C8orf88: variants seen among roughly 807,000 people sequenced by gnomAD.
C8orf88 encodes chromosome 8 open reading frame 88, also known as uncharacterized protein C8orf88.
C8orf88 carries 14 observed loss-of-function variants against 18.4 expected under a neutral mutation model. The observed-to-expected ratio is 0.76, with a 90% confidence interval of 0.50 to 1.19. The LOEUF is 1.19. Among genes scored for constraint, C8orf88 ranks in the 50% most tolerant of loss-of-function variants. The pLI is 0.00. For synonymous variants in C8orf88, 45 were observed against 42.9 expected, an observed-to-expected ratio of 1.05 and a Z score of -0.19; for missense variants, 116 against 134.7, an observed-to-expected ratio of 0.86 and a Z score of 0.69.
At chr8:90,977,065 C>T (rs992105622) in intron 3 of C8orf88, among the ~76,000 whole-genome samples, 4 of 151,898 alleles carry the variant, frequency 2.6e-5, no homozygotes, top group Non-Finnish European at 5.9e-5. Flanking sequence ...GAATCCAGAA[C>T]ATATTTTAAA....
intron 2 of C8orf88, among the ~76,000 whole-genome samples, chr8:90,978,967 C>T (rs942035306): frequency 3.9e-5 from 6 of 152,010 alleles, no homozygotes; most frequent in African/African-American, 9.7e-5. Flanking sequence ...CTAGGGCAAA[C>T]GGAATAGGTT....
chr8:90,977,500 GA>G (rs948376736), intron 3 of C8orf88, among the ~76,000 whole-genome samples: 26 of 149,688 alleles, frequency 1.7e-4, no homozygotes, highest in African/African-American at 4.9e-4. Flanking sequence ...ACAGAAAATG[GA>G]AAAAAAAATG....
chr8:90,980,564 A>C (rs1389792834), intron 1 of C8orf88, 103 bp from the exon 2 acceptor site: 2 of 516,482 alleles, frequency 3.9e-6, no homozygotes, highest in African/African-American at 3.9e-5. Flanking sequence ...CTATTTTACA[A>C]GTTAAAGTGG....
intron 1 of C8orf88, among the ~76,000 whole-genome samples, chr8:90,983,112 T>G (rs1404606426): frequency 6.6e-6 from 1 of 152,152 alleles, no homozygotes. Flanking sequence ...AGAGTAGCCA[T>G]GTATCATATC....
At chr8:90,981,546 TAAC>T (rs1308733188) in intron 1 of C8orf88, among the ~76,000 whole-genome samples, 1 of 152,088 alleles carries the variant, frequency 6.6e-6, no homozygotes, top group African/African-American at 2.4e-5. Flanking sequence ...AAAATAATAA[TAAC>T]AATAATAATA....
intron 1 of C8orf88, among the ~76,000 whole-genome samples, chr8:90,984,318 G>A (rs1282910309): frequency 2.0e-5 from 3 of 152,136 alleles, no homozygotes; most frequent in South Asian, 2.1e-4. Context: ...TACAAAGTTA[G>A]GATTCCTTGA....
At chr8:90,976,922 A>C (rs1352220126) in intron 3 of C8orf88, among the ~76,000 whole-genome samples, 2 of 152,144 alleles carry the variant, frequency 1.3e-5, no homozygotes, top group Admixed American at 6.5e-5. Context: ...GAAATCCTAA[A>C]GAAAAACATT....
In C8orf88 at chr8:90,972,385, T is replaced by G. The variant is rs969741898; in HGVS notation, c.148-1244A>C. On this transcript the variant is annotated intron_variant, in intron 3 of 5. Transcript: ENST00000517562. Reference sequence around the variant, plus strand: ...TCCAAAGTTCTTCTAGACTGTTGTATTTAATTAACTATAAAATGGTATTCT... The same window carrying G: ...TCCAAAGTTCTTCTAGACTGTTGTAGTTAATTAACTATAAAATGGTATTCT... Among the ~76,000 whole-genome samples the G allele has an allele frequency of 2.6e-5, 4 of 151,890 alleles. No individual in the cohort carries two copies. The South Asian group carries it at 8.3e-4, about 31-fold the overall frequency.
chr8:90,959,260 C>T (rs186806366), intron 5 of C8orf88: 335 of 259,820 alleles, frequency 1.3e-3, no homozygotes, highest in Non-Finnish European at 2.1e-3. Context: ...ACCTGTTCTT[C>T]TGTTTCTGTG....
chr8:90,966,048 AGACTAT>A (rs1304910539), intron 4 of C8orf88, among the ~76,000 whole-genome samples: 2 of 151,776 alleles, frequency 1.3e-5, no homozygotes, highest in East Asian at 3.9e-4. Flanking sequence ...AATGAAATAG[AGACTAT>A]AAAAACAACA....
At chr8:90,961,221 A>G (rs1811122328) in intron 4 of C8orf88, among the ~76,000 whole-genome samples, 1 of 151,406 alleles carries the variant, frequency 6.6e-6, no homozygotes, top group Non-Finnish European at 1.5e-5. Context: ...TCAAGTCTCA[A>G]TCAATACTAA....
chr8:90,966,125 T>C (rs1208476097), intron 4 of C8orf88, among the ~76,000 whole-genome samples: 1 of 151,228 alleles, frequency 6.6e-6, no homozygotes, highest in Non-Finnish European at 1.5e-5. Context: ...AATGATAGAC[T>C]GGATTAAGAA....
At chr8:90,974,219 A>G (rs949061922) in intron 3 of C8orf88, among the ~76,000 whole-genome samples, 2 of 152,124 alleles carry the variant, frequency 1.3e-5, no homozygotes, top group Admixed American at 6.6e-5. Context: ...CTACCAATAT[A>G]CATTTCAGAA....
In C8orf88 at chr8:90,958,845, T is replaced by C; in HGVS notation, c.*162A>G. On this transcript the variant is annotated 3_prime_UTR_variant, in exon 6 of 6. Transcript: ENST00000517562. Reference sequence around the variant, plus strand: ...TGCAAAGCTGAAACTGATTAGAAAATTCTTTATATTTTAAAATAGCTCTTT... The same window carrying C: ...TGCAAAGCTGAAACTGATTAGAAAACTCTTTATATTTTAAAATAGCTCTTT... 2.2e-6 allele frequency: 1 copy of C among 459,620 alleles called. No homozygotes were observed. Among genetic ancestry groups the C allele is most frequent in the Non-Finnish European group, 3.5e-6 (1 of 285,008 alleles). The allele number at this position is 459,620 out of a possible 1,614,324, so 28.5% of individuals were successfully genotyped here.
At chr8:90,985,255 G>A (rs946291878), upstream of C8orf88, 1 of 139,322 alleles carries the variant, frequency 7.2e-6, no homozygotes, top group Non-Finnish European at 1.5e-5. Flanking sequence ...GGCGGGGGGC[G>A]AGGGGCGGGG....
At chr8:90,977,359 T>C (rs1404853281) in intron 3 of C8orf88, among the ~76,000 whole-genome samples, 2 of 152,142 alleles carry the variant, frequency 1.3e-5, no homozygotes, top group African/African-American at 2.4e-5. Context: ...TATCAAAAAG[T>C]TGAAATTAAG....
At chr8:90,959,122 G>C in intron 5 of C8orf88, 92 bp from the exon 6 acceptor site, 1 of 561,266 alleles carries the variant, frequency 1.8e-6, no homozygotes, top group Non-Finnish European at 3.0e-6. Context: ...AACGTACCAG[G>C]TGTTTACAGA....
intron 1 of C8orf88, among the ~76,000 whole-genome samples, chr8:90,983,239 T>C (rs754816790): frequency 3.3e-5 from 5 of 152,172 alleles, no homozygotes; most frequent in Non-Finnish European, 7.4e-5. Flanking sequence ...ATGTATAGTT[T>C]TGTGGTATAA....
intron 4 of C8orf88, among the ~76,000 whole-genome samples, chr8:90,968,985 T>C (rs1034782088): frequency 5.9e-5 from 9 of 151,702 alleles, no homozygotes; most frequent in Admixed American, 2.6e-4. Flanking sequence ...GCAAGAATAT[T>C]GAGAGGTTGG....
Sources: allele counts gnomAD v4.1 joint callset (sites outside exome capture counted in the v4.1 genomes callset), GRCh38; gene constraint gnomAD v4.1.1; transcripts MANE v1.5; gene names NCBI Gene and HGNC (gene_info 2026-07-23, HGNC 2026-07-21).